The following ZNF438 variants were observed in gnomAD, a reference collection of about 807,000 sequenced individuals.
ZNF438 encodes the protein zinc finger protein 438.
Under a neutral mutation model 38.0 loss-of-function variants are expected in ZNF438, and 25 were observed. That is an observed-to-expected ratio of 0.66 (90% CI 0.48 to 0.92). The LOEUF is 0.92. Ranked by LOEUF, ZNF438 falls within the 40% of genes least tolerant of loss-of-function variation. The pLI is 0.00. For missense variants in ZNF438, 1,007 were observed against 999.6 expected, an observed-to-expected ratio of 1.01 and a Z score of -0.10; for synonymous variants, 372 against 364.1, an observed-to-expected ratio of 1.02 and a Z score of -0.25.
At chr10:30,941,859 T>C (rs1174775018) in intron 1 of ZNF438, among the ~76,000 whole-genome samples, 1 of 152,212 alleles carries the variant, frequency 6.6e-6, no homozygotes, top group Non-Finnish European at 1.5e-5. Flanking sequence ...AGATATATTG[T>C]CTTCACATAT....
At chr10:30,968,195 G>A (rs2136171741) in intron 1 of ZNF438, among the ~76,000 whole-genome samples, 1 of 152,188 alleles carries the variant, frequency 6.6e-6, no homozygotes, top group South Asian at 2.1e-4. Flanking sequence ...GTAGGTTGAT[G>A]GGATAGTTGG....
chr10:30,974,653 C>G (rs1436937881), intron 1 of ZNF438, among the ~76,000 whole-genome samples: 1 of 152,188 alleles, frequency 6.6e-6, no homozygotes, highest in African/African-American at 2.4e-5. Flanking sequence ...TCTAATCCTC[C>G]TGTTCAAAGC....
At chr10:30,916,502 T>C (rs2043654024) in intron 2 of ZNF438, among the ~76,000 whole-genome samples, 1 of 152,082 alleles carries the variant, frequency 6.6e-6, no homozygotes, top group Non-Finnish European at 1.5e-5. Flanking sequence ...CTTTTTCCCA[T>C]GCCTTCTCTC....
chr10:31,008,245 T>A (rs542834063), intron 1 of ZNF438, among the ~76,000 whole-genome samples: 1 of 152,268 alleles, frequency 6.6e-6, no homozygotes, highest in Admixed American at 6.5e-5. Context: ...GCTCAAAGTA[T>A]ATTCCCACAT....
At chr10:31,017,259 G>C (rs2056267533) in intron 1 of ZNF438, among the ~76,000 whole-genome samples, 1 of 152,218 alleles carries the variant, frequency 6.6e-6, no homozygotes, top group Non-Finnish European at 1.5e-5. Context: ...CTGAGGGGAA[G>C]ACCCTTGTCC....
At chr10:30,881,951 A>G (rs937243985) in intron 3 of ZNF438, among the ~76,000 whole-genome samples, 3 of 152,198 alleles carry the variant, frequency 2.0e-5, no homozygotes, top group African/African-American at 7.2e-5. Context: ...GTAAAACACA[A>G]AACTTCTGAA....
chr10:30,975,106 G>C (rs2051189644), intron 1 of ZNF438, among the ~76,000 whole-genome samples: 1 of 152,122 alleles, frequency 6.6e-6, no homozygotes, highest in Admixed American at 6.5e-5. Flanking sequence ...AAGTAACTTA[G>C]TGACAGCATT....
intron 1 of ZNF438, among the ~76,000 whole-genome samples, chr10:30,987,267 C>T (rs2052924105): frequency 6.7e-6 from 1 of 148,660 alleles, no homozygotes; most frequent in South Asian, 2.1e-4. Context: ...CTGAAGTAAG[C>T]TGTGATCACA....
intron 2 of ZNF438, chr10:30,920,054 C>A (rs2044116242): frequency 6.6e-6 from 1 of 152,252 alleles, no homozygotes; most frequent in South Asian, 2.1e-4. Flanking sequence ...CATTTTCCAT[C>A]TCATCTGTCT....
intron 1 of ZNF438, among the ~76,000 whole-genome samples, chr10:30,962,670 T>C (rs112302725): frequency 0.037 from 5,457 of 147,278 alleles, 475 homozygotes; most frequent in African/African-American, 0.12. Flanking sequence ...AATCTAGGTC[T>C]TTACAAAAAT....
intron 2 of ZNF438, among the ~76,000 whole-genome samples, chr10:30,914,653 A>T (rs1248048087): frequency 6.6e-6 from 1 of 152,076 alleles, no homozygotes. Flanking sequence ...GTGGTTTCAC[A>T]GCATTTCTCA....
At chr10:30,980,139 A>T (rs769726703) in intron 1 of ZNF438, among the ~76,000 whole-genome samples, 1 of 152,102 alleles carries the variant, frequency 6.6e-6, no homozygotes, top group Non-Finnish European at 1.5e-5. Flanking sequence ...ACAGTGAGTG[A>T]CAGGAGATAA....
At chr10:30,854,221 G>A (rs1416383620) in intron 4 of ZNF438, among the ~76,000 whole-genome samples, 3 of 152,194 alleles carry the variant, frequency 2.0e-5, no homozygotes, top group Non-Finnish European at 2.9e-5. Context: ...TCGGGAGGCT[G>A]AGGAAGGAGA....
At chr10:30,896,067 C>A (rs114955330) in intron 3 of ZNF438, among the ~76,000 whole-genome samples, 3 of 152,022 alleles carry the variant, frequency 2.0e-5, no homozygotes, top group African/African-American at 7.2e-5. Flanking sequence ...TTTGGGAGGC[C>A]GAGAGGGGCA....
At chr10:30,884,082 C>A (rs1324420952) in intron 3 of ZNF438, among the ~76,000 whole-genome samples, 1 of 151,958 alleles carries the variant, frequency 6.6e-6, no homozygotes, top group South Asian at 2.1e-4. Context: ...CTTTTGCAAT[C>A]AGAAAAAAAT....
intron 1 of ZNF438, among the ~76,000 whole-genome samples, chr10:30,965,399 C>T (rs1188282610): frequency 6.6e-6 from 1 of 152,110 alleles, no homozygotes; most frequent in African/African-American, 2.4e-5. Flanking sequence ...AACTTAAAAA[C>T]AGAACTACCA....
chr10:30,857,512 C>T (rs1474677391), intron 4 of ZNF438, among the ~76,000 whole-genome samples: 1 of 152,158 alleles, frequency 6.6e-6, no homozygotes, highest in Non-Finnish European at 1.5e-5. Context: ...GCCTTGGCCT[C>T]CCAAAGTGTT....
chr10:31,002,023 G>A (rs1326481246), intron 1 of ZNF438, among the ~76,000 whole-genome samples: 1 of 152,180 alleles, frequency 6.6e-6, no homozygotes, highest in Non-Finnish European at 1.5e-5. Flanking sequence ...AAGAGGGGAA[G>A]GACTCATAAA....
intron 1 of ZNF438, among the ~76,000 whole-genome samples, chr10:30,979,194 GGA>G (rs2136385228): frequency 6.6e-6 from 1 of 152,326 alleles, no homozygotes; most frequent in Admixed American, 6.5e-5. Context: ...CAGCTCTAAT[GGA>G]GATGTACAAG....
Sources: allele counts gnomAD v4.1 joint callset (sites outside exome capture counted in the v4.1 genomes callset), GRCh38; gene constraint gnomAD v4.1.1; transcripts MANE v1.5; gene names NCBI Gene and HGNC (gene_info 2026-07-23, HGNC 2026-07-21).